PLCZ1: variants seen among roughly 807,000 people sequenced by gnomAD.
The protein encoded by PLCZ1 is phospholipase C zeta 1, also known as 1-phosphatidylinositol 4,5-bisphosphate phosphodiesterase zeta-1.
Under a neutral mutation model 76.8 loss-of-function variants are expected in PLCZ1, and 64 were observed. The observed-to-expected ratio is 0.83, with a 90% CI of 0.68 to 1.03. PLCZ1 has a LOEUF of 1.03. Among genes scored for constraint, PLCZ1 ranks in the 50% least tolerant of loss-of-function variants. PLCZ1 has a pLI of 0.00. For missense variants in PLCZ1, 751 were observed against 713.7 expected, an observed-to-expected ratio of 1.05 and a Z score of -0.60; for synonymous variants, 248 against 230.8, an observed-to-expected ratio of 1.07 and a Z score of -0.68.
At chr12:18,656,464 G>C in the PLCZ1 span, among the ~76,000 whole-genome samples, 4 of 152,248 alleles carry the variant, frequency 2.6e-5, no homozygotes, top group Non-Finnish European at 5.9e-5. Flanking sequence ...TACTTGGAAG[G>C]CTGAGGCAGA....
chr12:18,725,437 C>T (rs1238521308), intron 3 of PLCZ1, among the ~76,000 whole-genome samples: 1 of 152,004 alleles, frequency 6.6e-6, no homozygotes, highest in African/African-American at 2.4e-5. Flanking sequence ...CACAGGTAGA[C>T]CAGGATTTTT....
chr12:18,688,499 C>A (rs915651087), intron 12 of PLCZ1, among the ~76,000 whole-genome samples: 13 of 151,786 alleles, frequency 8.6e-5, no homozygotes, highest in Non-Finnish European at 4.4e-5. Context: ...TTGTTATGAT[C>A]ACATTTCAGG....
chr12:18,688,175 T>C lies in PLCZ1; in HGVS notation c.1505A>G (p.Asn502Ser). ...TATAATTACTAATGAATCACCTTTG[T>C]TAGATGATGAATGAGTAAGAGGCAA... ...IQLPLTHSSS[N>S]KGDSLVIIEV... The change falls in exon 13 of 15, where the codon AAC becomes AGC. Residue 502 changes from asparagine (N) to serine (S), a missense_variant. Transcript: ENST00000266505. 6.2e-7 allele frequency: 1 copy of C among 1,610,896 alleles called. No individual in the cohort carries two copies. Among genetic ancestry groups the C allele is most frequent in the Non-Finnish European group, 8.5e-7 (1 of 1,178,556 alleles).
At chr12:18,684,339 ATT>A in intron 13 of PLCZ1, 60 bp from the exon 14 acceptor site, 1 of 1,495,218 alleles carries the variant, frequency 6.7e-7, no homozygotes, top group Non-Finnish European at 9.2e-7. Flanking sequence ...GAAAAAATAG[ATT>A]ACATTTGTTC....
At chr12:18,724,801 T>G (rs527489222) in intron 3 of PLCZ1, among the ~76,000 whole-genome samples, 2 of 152,206 alleles carry the variant, frequency 1.3e-5, no homozygotes, top group East Asian at 1.9e-4. Context: ...CAATAAAAAT[T>G]TAAAATGTGC....
the PLCZ1 span, among the ~76,000 whole-genome samples, chr12:18,659,480 C>T: frequency 1.3e-5 from 2 of 152,040 alleles, no homozygotes; most frequent in African/African-American, 4.8e-5. Context: ...CTCTCTTCTC[C>T]AAAATACCAT....
intron 5 of PLCZ1, among the ~76,000 whole-genome samples, chr12:18,713,209 G>C (rs574007797): frequency 6.6e-6 from 1 of 151,868 alleles, no homozygotes; most frequent in Non-Finnish European, 1.5e-5. Context: ...TGTCTTTCTC[G>C]CTAGTCAAAT....
At chr12:18,682,684 T>C (rs1032161226), downstream of PLCZ1, among the ~76,000 whole-genome samples, 16 of 152,002 alleles carry the variant, frequency 1.1e-4, no homozygotes, top group African/African-American at 3.6e-4. Flanking sequence ...GGCAAATCAA[T>C]TTTATACACA....
chr12:18,725,024 C>T (rs1045840338), intron 3 of PLCZ1, among the ~76,000 whole-genome samples: 3 of 151,966 alleles, frequency 2.0e-5, no homozygotes, highest in African/African-American at 7.3e-5. Context: ...CCATCTTGTA[C>T]TAAAAAGAAT....
intron 7 of PLCZ1, 118 bp downstream of exon 7, chr12:18,705,048 A>G (rs938825465): frequency 1.0e-5 from 13 of 1,258,030 alleles, no homozygotes; most frequent in Non-Finnish European, 1.5e-5. Flanking sequence ...AAACCTCTAT[A>G]CGTGATCAAA....
chr12:18,683,670 G>T, intron 14 of PLCZ1: 1 of 1,279,556 alleles, frequency 7.8e-7, no homozygotes, highest in Non-Finnish European at 1.0e-6. Context: ...AGGTAATTGG[G>T]AGCACAGTGT....
At chr12:18,645,683 A>C in the PLCZ1 span, among the ~76,000 whole-genome samples, 1 of 152,188 alleles carries the variant, frequency 6.6e-6, no homozygotes, top group Non-Finnish European at 1.5e-5. Flanking sequence ...CTTTGTAGCA[A>C]GGCTTATATT....
the PLCZ1 span, among the ~76,000 whole-genome samples, chr12:18,652,583 A>G: frequency 6.6e-6 from 1 of 152,128 alleles, no homozygotes; most frequent in Non-Finnish European, 1.5e-5. Flanking sequence ...TTGGGTCATC[A>G]TCTGTTGTGT....
intron 4 of PLCZ1, among the ~76,000 whole-genome samples, chr12:18,721,715 TA>T (rs35492057): frequency 0.25 from 35,489 of 139,578 alleles, 4,377 homozygotes; most frequent in East Asian, 0.33. Context: ...GTCTTGCTAT[TA>T]AAAAAAAAAA....
chr12:18,704,581 C>T (rs1193255991), intron 7 of PLCZ1, among the ~76,000 whole-genome samples: 5 of 152,000 alleles, frequency 3.3e-5, no homozygotes, highest in African/African-American at 1.2e-4. Context: ...CCCTCCTCAG[C>T]CTCCCAAGGT....
At chr12:18,682,925 T>C (rs1952562387), downstream of PLCZ1, among the ~76,000 whole-genome samples, 1 of 152,068 alleles carries the variant, frequency 6.6e-6, no homozygotes, top group Non-Finnish European at 1.5e-5. Flanking sequence ...GTATATTTTA[T>C]AATTAGATGT....
intron 3 of PLCZ1, among the ~76,000 whole-genome samples, chr12:18,725,632 A>G (rs1958710744): frequency 6.6e-6 from 1 of 152,140 alleles, no homozygotes; most frequent in African/African-American, 2.4e-5. Flanking sequence ...TGTATTGTGT[A>G]GCATCCAAGG....
At chr12:18,724,513 G>A (rs1024435449) in intron 3 of PLCZ1, among the ~76,000 whole-genome samples, 1 of 152,064 alleles carries the variant, frequency 6.6e-6, no homozygotes, top group African/African-American at 2.4e-5. Flanking sequence ...CAGCTTGAAT[G>A]CAAGAAGCAT....
intron 7 of PLCZ1, 73 bp from the exon 8 acceptor site, chr12:18,701,849 G>A (rs1359766139): frequency 9.8e-6 from 15 of 1,532,966 alleles, no homozygotes; most frequent in African/African-American, 2.8e-5. Context: ...ACTGAAAAGT[G>A]TTTCACTATA....
Sources: allele counts gnomAD v4.1 joint callset (sites outside exome capture counted in the v4.1 genomes callset), GRCh38; gene constraint gnomAD v4.1.1; transcripts MANE v1.5; gene names NCBI Gene and HGNC (gene_info 2026-07-23, HGNC 2026-07-21).